The following RUNX2 variants were observed in gnomAD, a reference collection of about 807,000 sequenced individuals.
RUNX2 encodes runt-related transcription factor 2.
Under a neutral mutation model 51.7 loss-of-function variants are expected in RUNX2, and 10 were observed. The ratio of observed to expected loss-of-function variants is 0.19; its 90% CI spans 0.12 to 0.33. RUNX2 has a LOEUF of 0.33. RUNX2 is among the 10% of genes least tolerant of loss of function. The probability of loss-of-function intolerance (pLI) is 1.00; values close to 1 mark genes in which losing one functional copy is unlikely to be tolerated. For synonymous variants in RUNX2, 276 were observed against 273.6 expected (o/e 1.01, Z -0.09); for missense variants, 562 against 691.3 (o/e 0.81, Z 2.10).
rs762384261 is a variant in RUNX2 at position 45,328,371 on chromosome 6, A to C, written c.-156A>C. The C allele has an allele frequency of 2.2e-6, 3 of 1,389,440 alleles. No individual in the cohort carries two copies. 86.1% of individuals were successfully genotyped at this position (1,389,440 alleles called of 1,614,324 possible). Reference sequence around the variant, plus strand: ...ACCACAGAACCACAAGTGCGGTGCAAACTTTCTCCAGGAGGACAGCAAGAA... The same window carrying C: ...ACCACAGAACCACAAGTGCGGTGCACACTTTCTCCAGGAGGACAGCAAGAA... On this transcript the variant is annotated 5_prime_UTR_variant, in exon 1 of 9. Transcript: ENST00000647337.
chr6:45,467,363 C>T (rs765578027), intron 5 of RUNX2, among the ~76,000 whole-genome samples: 1 of 152,120 alleles, frequency 6.6e-6, no homozygotes, highest in Non-Finnish European at 1.5e-5. Flanking sequence ...CTGACTGCAA[C>T]CTCTGCCTCC....
intron 2 of RUNX2, among the ~76,000 whole-genome samples, chr6:45,417,322 AT>A (rs142273566): frequency 0.08 from 12,153 of 152,178 alleles, 711 homozygotes; most frequent in South Asian, 0.18. Context: ...TTCCCACTAT[AT>A]TTTAAGGACA....
At chr6:45,374,539 TTAATA>T (rs763063075) in intron 2 of RUNX2, among the ~76,000 whole-genome samples, 17 of 152,362 alleles carry the variant, frequency 1.1e-4, no homozygotes, top group South Asian at 4.1e-4. Context: ...CAGTATAAAC[TTAATA>T]TAATAATGCA....
chr6:45,354,748 C>T (rs1262894391), intron 2 of RUNX2, among the ~76,000 whole-genome samples: 1 of 151,922 alleles, frequency 6.6e-6, no homozygotes, highest in Non-Finnish European at 1.5e-5. Context: ...CCCTGTATTC[C>T]CAGTACTTTG....
intron 5 of RUNX2, among the ~76,000 whole-genome samples, chr6:45,485,027 A>T (rs1301760211): frequency 6.6e-6 from 1 of 152,092 alleles, no homozygotes; most frequent in African/African-American, 2.4e-5. Flanking sequence ...ATTGGACCAG[A>T]CTTTATTCAA....
intron 6 of RUNX2, among the ~76,000 whole-genome samples, chr6:45,504,830 C>A (rs1800910996): frequency 1.3e-5 from 2 of 152,286 alleles, no homozygotes; most frequent in African/African-American, 4.8e-5. Context: ...ATTTTTGACA[C>A]CCCAGTTTTC....
chr6:45,482,559 C>A (rs991335449), intron 5 of RUNX2, among the ~76,000 whole-genome samples: 1 of 152,198 alleles, frequency 6.6e-6, no homozygotes, highest in Non-Finnish European at 1.5e-5. Flanking sequence ...AAGGAGCAGG[C>A]CTTCACTTCT....
At chr6:45,397,630 C>T (rs891585164) in intron 2 of RUNX2, among the ~76,000 whole-genome samples, 27 of 152,202 alleles carry the variant, frequency 1.8e-4, no homozygotes, top group African/African-American at 5.8e-4. Context: ...ATGCCAGATT[C>T]ATGATACTTA....
intron 5 of RUNX2, among the ~76,000 whole-genome samples, chr6:45,469,472 G>A (rs1323240785): frequency 1.3e-5 from 2 of 152,142 alleles, no homozygotes; most frequent in Non-Finnish European, 2.9e-5. Context: ...TAGCCTATAG[G>A]CCTATGGTTT....
intron 2 of RUNX2, among the ~76,000 whole-genome samples, chr6:45,403,248 T>TTTTG (rs572753634): frequency 7.6e-5 from 11 of 144,728 alleles, no homozygotes; most frequent in South Asian, 6.8e-4. Flanking sequence ...TTTTTTTTTT[T>TTTTG]TTGAGACGGA....
In RUNX2 at chr6:45,361,405, C is replaced by G. The variant is rs1477148587; in HGVS notation, c.58+32621C>G. Among the ~76,000 whole-genome samples the G allele has an allele frequency of 2.0e-5, 3 of 151,944 alleles. No homozygotes were observed. The East Asian group carries it at 5.8e-4, about 29-fold the overall frequency. On this transcript the variant is annotated intron_variant, in intron 2 of 8. Transcript: ENST00000647337. Reference sequence around the variant, plus strand: ...CATCATTATCATCAGGCCTGTAACTCTGAAAAAGTACATGACAAGGCAAGA... The same window carrying G: ...CATCATTATCATCAGGCCTGTAACTGTGAAAAAGTACATGACAAGGCAAGA...
intron 2 of RUNX2, chr6:45,365,370 AGC>A: frequency 1.9e-6 from 2 of 1,070,680 alleles, no homozygotes; most frequent in Non-Finnish European, 2.7e-6. Context: ...AAAAAAAGAA[AGC>A]AAATATAAAT....
chr6:45,338,115 G>T (rs902743212), intron 2 of RUNX2, among the ~76,000 whole-genome samples: 7 of 151,960 alleles, frequency 4.6e-5, no homozygotes, highest in African/African-American at 1.7e-4. Flanking sequence ...ATAAAGTTCT[G>T]TGTAGCCTAT....
chr6:45,419,430 A>C (rs1405757606), intron 2 of RUNX2, among the ~76,000 whole-genome samples: 1 of 149,530 alleles, frequency 6.7e-6, no homozygotes, highest in Non-Finnish European at 1.5e-5. Flanking sequence ...CCCTAAAAAG[A>C]AAAAAAAAAG....
chr6:45,477,289 C>T (rs1159105131), intron 5 of RUNX2, among the ~76,000 whole-genome samples: 1 of 152,168 alleles, frequency 6.6e-6, no homozygotes, highest in African/African-American at 2.4e-5. Flanking sequence ...TGTACCCATT[C>T]CCTGAGTGTC....
At chr6:45,528,064 CA>C (rs1315289285) in intron 7 of RUNX2, among the ~76,000 whole-genome samples, 1 of 152,114 alleles carries the variant, frequency 6.6e-6, no homozygotes, top group Non-Finnish European at 1.5e-5. Flanking sequence ...AGAATGTGTA[CA>C]GGGGGCAGGG....
chr6:45,533,902 T>A (rs1425998944), intron 7 of RUNX2, among the ~76,000 whole-genome samples: 10 of 147,362 alleles, frequency 6.8e-5, no homozygotes, highest in Admixed American at 4.7e-4. Context: ...TTTTTTTTTT[T>A]TTTTTTTTTG....
chr6:45,519,836 G>GTGTGTGTGTA (rs1430887373), intron 7 of RUNX2, among the ~76,000 whole-genome samples: 241 of 134,600 alleles, frequency 1.8e-3, no homozygotes, highest in Admixed American at 9.8e-3. Flanking sequence ...GTGTGTGTGT[G>GTGTGTGTGTA]TATATATTTG....
At chr6:45,437,344 G>A (rs1216927620) in intron 4 of RUNX2, among the ~76,000 whole-genome samples, 1 of 152,136 alleles carries the variant, frequency 6.6e-6, no homozygotes, top group East Asian at 1.9e-4. Context: ...TGGACAGGGA[G>A]GAGAAAAACT....
Sources: allele counts gnomAD v4.1 joint callset (sites outside exome capture counted in the v4.1 genomes callset), GRCh38; gene constraint gnomAD v4.1.1; transcripts MANE v1.5; gene names NCBI Gene and HGNC (gene_info 2026-07-23, HGNC 2026-07-21).